The following RAB38 variants were observed in gnomAD, a reference collection of about 807,000 sequenced individuals.
The protein encoded by RAB38 is ras-related protein Rab-38.
A neutral mutation model predicts 18.4 loss-of-function variants in RAB38; 15 were observed. The ratio of observed to expected loss-of-function variants is 0.82; its 90% CI spans 0.55 to 1.26. The LOEUF (loss-of-function observed/expected upper bound fraction) is 1.26, where lower values mean the gene tolerates loss of function less well. Among genes scored for constraint, RAB38 ranks in the 50% most tolerant of loss-of-function variants. The pLI, the probability that RAB38 is intolerant of heterozygous loss-of-function variation, is 0.00. For missense variants in RAB38, 294 were observed against 267.4 expected, an observed-to-expected ratio of 1.10 and a Z score of -0.69; for synonymous variants, 101 against 104.4, an observed-to-expected ratio of 0.97 and a Z score of 0.20.
At chr11:88,026,562 CAAAAAAA>C in the RAB38 span, among the ~76,000 whole-genome samples, 7 of 54,254 alleles carry the variant, frequency 1.3e-4, no homozygotes, top group East Asian at 7.2e-4. Context: ...GACTCTGTCA[CAAAAAAA>C]AAAAAAAAAA....
At chr11:87,822,573 A>C in the RAB38 span, among the ~76,000 whole-genome samples, 18 of 152,316 alleles carry the variant, frequency 1.2e-4, 1 homozygote, top group South Asian at 3.1e-3. Context: ...CAGCTTACTC[A>C]AGTGAAACTC....
At chr11:88,080,209 T>G in the RAB38 span, among the ~76,000 whole-genome samples, 1 of 151,576 alleles carries the variant, frequency 6.6e-6, no homozygotes, top group Non-Finnish European at 1.5e-5. Flanking sequence ...GGATACAAGG[T>G]CAATATATAA....
intron 1 of RAB38, among the ~76,000 whole-genome samples, chr11:88,160,972 CCT>C (rs1197971717): frequency 6.6e-6 from 1 of 150,998 alleles, no homozygotes; most frequent in East Asian, 1.9e-4. Flanking sequence ...TATGTATCCC[CCT>C]GAATCTATAA....
the RAB38 span, among the ~76,000 whole-genome samples, chr11:88,094,987 C>T: frequency 1.3e-5 from 2 of 151,760 alleles, no homozygotes; most frequent in African/African-American, 4.8e-5. Context: ...TATGGAGAAA[C>T]ATTATTTCGC....
chr11:87,870,461 TAAA>T, the RAB38 span, among the ~76,000 whole-genome samples: 1 of 148,874 alleles, frequency 6.7e-6, no homozygotes, highest in Non-Finnish European at 1.5e-5. Flanking sequence ...TTTTGTCAAA[TAAA>T]AAAAAAATCA....
the RAB38 span, among the ~76,000 whole-genome samples, chr11:88,084,144 A>G: frequency 1.3e-5 from 2 of 151,862 alleles, no homozygotes; most frequent in African/African-American, 2.4e-5. Context: ...GGGAGTAATA[A>G]TGTGTGTGAC....
the RAB38 span, among the ~76,000 whole-genome samples, chr11:87,961,818 G>A: frequency 2.6e-5 from 4 of 152,300 alleles, no homozygotes; most frequent in African/African-American, 4.8e-5. Flanking sequence ...GTCATGGGCT[G>A]TCTAAATAGT....
chr11:88,053,967 T>C, the RAB38 span, among the ~76,000 whole-genome samples: 4 of 152,098 alleles, frequency 2.6e-5, no homozygotes, highest in African/African-American at 9.7e-5. Flanking sequence ...CCAGATAGAA[T>C]TTTTTGCACA....
chr11:87,954,099 C>T, the RAB38 span, among the ~76,000 whole-genome samples: 431 of 152,014 alleles, frequency 2.8e-3, 2 homozygotes, highest in South Asian at 0.011. Context: ...AATGTGCACA[C>T]AAGCTGAGAT....
chr11:87,859,611 T>C, the RAB38 span, among the ~76,000 whole-genome samples: 1 of 152,052 alleles, frequency 6.6e-6, no homozygotes, highest in African/African-American at 2.4e-5. Flanking sequence ...TAGTAAGATA[T>C]CTTTTGGTTG....
At chr11:88,057,539 G>A in the RAB38 span, among the ~76,000 whole-genome samples, 1 of 152,050 alleles carries the variant, frequency 6.6e-6, no homozygotes, top group African/African-American at 2.4e-5. Flanking sequence ...AAATAAAGAA[G>A]CACACAGCAT....
At chr11:88,004,902 C>G in the RAB38 span, among the ~76,000 whole-genome samples, 1 of 151,356 alleles carries the variant, frequency 6.6e-6, no homozygotes, top group East Asian at 1.9e-4. Context: ...ATCAAAAATA[C>G]TAAACCTACA....
At chr11:88,138,884 G>C (rs1317853201) in intron 2 of RAB38, among the ~76,000 whole-genome samples, 1 of 151,668 alleles carries the variant, frequency 6.6e-6, no homozygotes, top group African/African-American at 2.4e-5. Context: ...CTGGGTTAAC[G>C]CCATTCTCCT....
the RAB38 span, among the ~76,000 whole-genome samples, chr11:87,910,953 G>A: frequency 1.3e-5 from 2 of 152,026 alleles, no homozygotes; most frequent in East Asian, 3.9e-4. Flanking sequence ...TCACTTTTAC[G>A]TGGTATGGGT....
chr11:88,044,793 A>G, the RAB38 span, among the ~76,000 whole-genome samples: 2 of 151,504 alleles, frequency 1.3e-5, no homozygotes, highest in South Asian at 4.2e-4. Context: ...TTCCTTTTCT[A>G]CAGACCCATC....
the RAB38 span, among the ~76,000 whole-genome samples, chr11:87,957,265 C>T: frequency 6.6e-6 from 1 of 152,084 alleles, no homozygotes; most frequent in South Asian, 2.1e-4. Context: ...TGGGATCATA[C>T]ATATTTGGAT....
At chr11:88,153,411 C>T (rs969164970) in intron 1 of RAB38, among the ~76,000 whole-genome samples, 2 of 152,226 alleles carry the variant, frequency 1.3e-5, no homozygotes, top group Non-Finnish European at 2.9e-5. Flanking sequence ...CCTCCTCACT[C>T]CTTCAACCAA....
the RAB38 span, among the ~76,000 whole-genome samples, chr11:87,869,833 T>C: frequency 8.6e-5 from 13 of 151,688 alleles, no homozygotes; most frequent in Non-Finnish European, 1.5e-4. Flanking sequence ...TGAGCAGTAT[T>C]ATTTTATTAC....
At chr11:88,094,960 G>C in the RAB38 span, among the ~76,000 whole-genome samples, 1 of 151,188 alleles carries the variant, frequency 6.6e-6, no homozygotes, top group Non-Finnish European at 1.5e-5. Flanking sequence ...GCAATACACT[G>C]CCTTCCCACC....
Sources: allele counts gnomAD v4.1 joint callset (sites outside exome capture counted in the v4.1 genomes callset), GRCh38; gene constraint gnomAD v4.1.1; transcripts MANE v1.5; gene names NCBI Gene and HGNC (gene_info 2026-07-23, HGNC 2026-07-21).